KIAA0825: variants seen among roughly 807,000 people sequenced by gnomAD.
KIAA0825 encodes KIAA0825.
A neutral mutation model predicts 147.6 loss-of-function variants in KIAA0825; 119 were observed. The ratio of observed to expected loss-of-function variants is 0.81; its 90% confidence interval spans 0.69 to 0.94. KIAA0825 has a LOEUF of 0.94. Among genes scored for constraint, KIAA0825 ranks in the 40% least tolerant of loss-of-function variants. The pLI, the probability that KIAA0825 is intolerant of heterozygous loss-of-function variation, is 0.00. For missense variants in KIAA0825, 1,381 were observed against 1,472.7 expected (o/e 0.94, Z 1.02); for synonymous variants, 470 against 518.1 (o/e 0.91, Z 1.26).
intron 20 of KIAA0825, among the ~76,000 whole-genome samples, chr5:94,181,239 T>A (rs1393053333): frequency 6.6e-6 from 1 of 152,216 alleles, no homozygotes; most frequent in Non-Finnish European, 1.5e-5. Context: ...GGAACTCCTA[T>A]ACTTTAGAAT....
intron 20 of KIAA0825, among the ~76,000 whole-genome samples, chr5:94,339,698 T>C (rs1782168939): frequency 6.6e-6 from 1 of 152,190 alleles, no homozygotes; most frequent in South Asian, 2.1e-4. Context: ...AGACTTATAA[T>C]TATACATCAA....
At chr5:94,449,370 T>C (rs1758111490) in intron 13 of KIAA0825, among the ~76,000 whole-genome samples, 1 of 152,058 alleles carries the variant, frequency 6.6e-6, no homozygotes, top group Non-Finnish European at 1.5e-5. Context: ...GATAGTAAAA[T>C]GGACTAAGGT....
chr5:94,491,801 G>A (rs571982671), intron 5 of KIAA0825, among the ~76,000 whole-genome samples: 79 of 152,238 alleles, frequency 5.2e-4, no homozygotes, highest in Non-Finnish European at 9.4e-4. Context: ...GGAGGCTTCC[G>A]TATGTACCAC....
chr5:94,426,662 G>C (rs1360908752), intron 14 of KIAA0825, among the ~76,000 whole-genome samples: 1 of 152,102 alleles, frequency 6.6e-6, no homozygotes, highest in African/African-American at 2.4e-5. Context: ...ATTATAGTTA[G>C]CAATAATATT....
At chr5:94,546,148 G>C (rs1057199482) in intron 2 of KIAA0825, among the ~76,000 whole-genome samples, 1 of 152,188 alleles carries the variant, frequency 6.6e-6, no homozygotes. Context: ...AAAGGGGAAG[G>C]AACAGTGGGA....
At chr5:94,463,875 G>A (rs745536877) in intron 11 of KIAA0825, among the ~76,000 whole-genome samples, 1 of 151,724 alleles carries the variant, frequency 6.6e-6, no homozygotes, top group Non-Finnish European at 1.5e-5. Context: ...AAAGAATGAA[G>A]GTATTCTTTG....
At chr5:94,465,182 C>G in intron 10 of KIAA0825, 123 bp from the exon 11 acceptor site, 1 of 795,736 alleles carries the variant, frequency 1.3e-6, no homozygotes, top group Non-Finnish European at 1.9e-6. Flanking sequence ...CACTAGAAGA[C>G]CAACAAAGAT....
chr5:94,408,974 T>C (rs1384966490), intron 15 of KIAA0825, among the ~76,000 whole-genome samples: 2 of 152,180 alleles, frequency 1.3e-5, no homozygotes, highest in African/African-American at 4.8e-5. Context: ...AAAGTAGCTA[T>C]ATAGCAAATA....
intron 14 of KIAA0825, among the ~76,000 whole-genome samples, chr5:94,418,346 G>A (rs1478812287): frequency 6.6e-6 from 1 of 152,042 alleles, no homozygotes; most frequent in Non-Finnish European, 1.5e-5. Flanking sequence ...ACTTTATGTG[G>A]AGAACATTAT....
rs1767930908 is a variant in KIAA0825 at position 94,520,342 on chromosome 5, T to A, written c.876A>T (p.Glu292Asp). ...CTCTGAACTGCAGCTCACAAAAATT[T>A]TCAAGAAATTTTGCCATTTCTTCTG... is the stretch of plus-strand genomic sequence containing the variant. ...TVTEEMAKFL[E>D]NFCELQFREN... Residue 292 changes from glutamate to aspartate, a missense_variant, in exon 5 of 21, where the codon GAA becomes GAT. Glu to Asp is a conservative substitution (Grantham distance 45). Coordinates refer to ENST00000682413, the MANE Select transcript of KIAA0825 (RefSeq NM_001145678.3). 6.2e-7 allele frequency: 1 copy of A among 1,613,436 alleles called. No individual in the cohort carries two copies. The highest frequency in any genetic ancestry group is 8.5e-7 in the Non-Finnish European group (1 of 1,179,564).
At chr5:94,332,741 A>G (rs1427234844) in intron 20 of KIAA0825, among the ~76,000 whole-genome samples, 2 of 152,190 alleles carry the variant, frequency 1.3e-5, no homozygotes, top group Non-Finnish European at 2.9e-5. Flanking sequence ...TTGGGTATAT[A>G]CTCAGTAATG....
chr5:94,409,506 C>G (rs1433149121), intron 15 of KIAA0825, among the ~76,000 whole-genome samples: 3 of 151,952 alleles, frequency 2.0e-5, no homozygotes, highest in Non-Finnish European at 4.4e-5. Flanking sequence ...GAGAGAAGTA[C>G]CAAAGAGACG....
chr5:94,464,091 C>T (rs1240986352), intron 11 of KIAA0825, among the ~76,000 whole-genome samples: 1 of 149,250 alleles, frequency 6.7e-6, no homozygotes, highest in African/African-American at 2.5e-5. Context: ...AAAAAGAAAG[C>T]CTCCCGTGTC....
chr5:94,482,904 A>T (rs941176804), intron 6 of KIAA0825, among the ~76,000 whole-genome samples: 16 of 152,026 alleles, frequency 1.1e-4, no homozygotes, highest in Non-Finnish European at 1.9e-4. Flanking sequence ...GTTCACTATT[A>T]TTAACATGAT....
intron 2 of KIAA0825, among the ~76,000 whole-genome samples, chr5:94,558,000 G>A (rs1214521694): frequency 2.6e-5 from 4 of 152,268 alleles, no homozygotes; most frequent in African/African-American, 4.8e-5. Context: ...GCCCATTGCC[G>A]CTCCTGATCA....
intron 20 of KIAA0825, among the ~76,000 whole-genome samples, chr5:94,173,281 TGTTACA>T (rs1297414104): frequency 6.6e-6 from 1 of 152,168 alleles, no homozygotes; most frequent in East Asian, 1.9e-4. Flanking sequence ...CTTCTCTTAA[TGTTACA>T]GTTACTATTG....
chr5:94,226,653 C>T (rs551911508), intron 20 of KIAA0825, among the ~76,000 whole-genome samples: 45 of 151,560 alleles, frequency 3.0e-4, no homozygotes, highest in East Asian at 5.9e-4. Flanking sequence ...TAAGAAAATA[C>T]GGAACATAAT....
At position 94,353,731 on chromosome 5, in the gene KIAA0825, A is replaced by G. The variant is rs556956723; in HGVS notation, c.3710+30637T>C. Among the ~76,000 whole-genome samples the G allele has an allele frequency of 2.2e-4, 33 of 152,244 alleles. 1 individual carries two copies. The South Asian group carries it at 6.7e-3, about 31-fold the overall frequency. On this transcript the variant is annotated intron_variant, in intron 20 of 20. Coordinates refer to ENST00000682413, the MANE Select transcript of KIAA0825 (RefSeq NM_001145678.3). ...AGGCCATGAAATGATAGCTCTTTCT[A>G]GTCTTTGACCACAGGAGAATAGTTG...
At chr5:94,191,775 T>C (rs1024869829) in intron 20 of KIAA0825, among the ~76,000 whole-genome samples, 1 of 152,224 alleles carries the variant, frequency 6.6e-6, no homozygotes, top group Non-Finnish European at 1.5e-5. Flanking sequence ...CTGCAGCCTG[T>C]CTTTGACACC....
Sources: gnomAD v4.1 joint callset for allele counts (sites outside exome capture counted in the v4.1 genomes callset) on GRCh38, gnomAD v4.1.1 for gene constraint, MANE v1.5 for transcripts, NCBI Gene and HGNC (gene_info 2026-07-23, HGNC 2026-07-21) for gene names.